Variants in SPATA22 observed in about 807,000 individuals in gnomAD.
SPATA22 encodes the protein spermatogenesis-associated protein 22.
In SPATA22, 29 loss-of-function variants were observed where a neutral mutation model predicts 47.8. The observed-to-expected ratio is 0.61, with a 90% confidence interval of 0.45 to 0.83. The LOEUF (loss-of-function observed/expected upper bound fraction) is 0.83, where lower values mean the gene tolerates loss of function less well. SPATA22 is among the 40% of genes least tolerant of loss of function. SPATA22 has a pLI of 0.00. For missense variants in SPATA22, 410 were observed against 421.7 expected (o/e 0.97, Z 0.24); for synonymous variants, 133 against 140.9 (o/e 0.94, Z 0.40).
rs1190224274 is a variant in SPATA22, at chr17:3,465,140, G to T, written c.172+2286C>A. ...AGCGTCTCCGCCCGGCAGCCACCCC[G>T]TCCGGGAGGGAGGTGGGGGGGTCAG... On this transcript the variant is annotated intron_variant, in intron 3 of 8. Transcript: ENST00000572969. 4.3e-5 allele frequency among the ~76,000 whole-genome samples: 5 copies of T among 116,424 alleles called. 1 individual carries two copies. Among genetic ancestry groups the T allele is most frequent in the African/African-American group, 1.3e-4 (4 of 30,918 alleles). 76.4% of individuals were successfully genotyped at this position (116,424 alleles called of 152,430 possible).
intron 7 of SPATA22, among the ~76,000 whole-genome samples, chr17:3,446,176 C>G (rs2072721814): frequency 6.6e-6 from 1 of 152,088 alleles, no homozygotes; most frequent in Admixed American, 6.6e-5. Flanking sequence ...ATTTCAAGAT[C>G]CCTAACTTAA....
At chr17:3,476,124 T>A, upstream of SPATA22, 1 of 1,581,798 alleles carries the variant, frequency 6.3e-7, no homozygotes, top group Non-Finnish European at 8.7e-7. Context: ...ATCTCTCTTC[T>A]GAATTGCAGA....
chr17:3,446,726 AT>A, intron 6 of SPATA22, 125 bp from the exon 7 acceptor site: 1 of 757,278 alleles, frequency 1.3e-6, no homozygotes, highest in Non-Finnish European at 2.0e-6. Flanking sequence ...ACTACTGAAA[AT>A]TTTAGTATAG....
chr17:3,505,115 G>A (rs548762659), intron 1 of SPATA22, among the ~76,000 whole-genome samples: 28 of 149,080 alleles, frequency 1.9e-4, no homozygotes, highest in African/African-American at 6.2e-4. Context: ...TTACTGAAAC[G>A]CTTCCCCATC....
At chr17:3,444,881 A>G (rs1278619485) in intron 7 of SPATA22, among the ~76,000 whole-genome samples, 7 of 152,062 alleles carry the variant, frequency 4.6e-5, no homozygotes, top group Non-Finnish European at 5.9e-5. Flanking sequence ...CTAGGAACTC[A>G]GGATTATTAT....
chr17:3,469,635 C>A (rs939464246), intron 1 of SPATA22, among the ~76,000 whole-genome samples: 1 of 152,174 alleles, frequency 6.6e-6, no homozygotes. Context: ...CATTTTTTCA[C>A]ACAGTATATG....
At chr17:3,466,451 T>G (rs369156798) in intron 3 of SPATA22, among the ~76,000 whole-genome samples, 2 of 152,174 alleles carry the variant, frequency 1.3e-5, no homozygotes, top group African/African-American at 2.4e-5. Flanking sequence ...AGGATTTCAG[T>G]GGCCTTACTT....
intron 1 of SPATA22, among the ~76,000 whole-genome samples, chr17:3,484,477 C>T (rs2073685700): frequency 6.6e-6 from 1 of 151,984 alleles, no homozygotes; most frequent in African/African-American, 2.4e-5. Flanking sequence ...ACAGAAGGCC[C>T]AAAGAAGTGG....
In SPATA22 at chr17:3,470,904, C is replaced by T. The variant is rs1030521821; in HGVS notation, c.-74+778G>A. On this transcript the variant is annotated intron_variant, in intron 1 of 8. Coordinates refer to ENST00000572969, the MANE Select transcript of SPATA22 (RefSeq NM_001170698.2). The stretch of plus-strand genomic sequence containing the variant: ...GTGCAGTGGCTCATGCCTGTGATCC[C>T]AGCACTTCGGGAGGCCAAGGCAAGT... Among the ~76,000 whole-genome samples the T allele has an allele frequency of 5.9e-5, 9 of 152,144 alleles. 1 individual carries two copies. The highest frequency in any genetic ancestry group is 2.2e-4 in the African/African-American group (9 of 41,442).
chr17:3,493,825 G>A (rs1242594068), intron 1 of SPATA22, among the ~76,000 whole-genome samples: 5 of 152,046 alleles, frequency 3.3e-5, no homozygotes, highest in Non-Finnish European at 7.4e-5. Context: ...TCTCAAACTG[G>A]CTTTTTCAGT....
At chr17:3,440,856 A>C (rs983616721) in intron 8 of SPATA22, 2 of 152,116 alleles carry the variant, frequency 1.3e-5, no homozygotes, top group Non-Finnish European at 2.9e-5. Context: ...TCTCCCTGAG[A>C]TGTCTGCAAA....
upstream of SPATA22, chr17:3,476,472 T>G (rs1222632813): frequency 7.7e-7 from 1 of 1,303,124 alleles, no homozygotes; most frequent in African/African-American, 1.5e-5. Context: ...AACACATATA[T>G]GTATATGCAG....
At chr17:3,452,656 A>G (rs1313101596) in intron 5 of SPATA22, among the ~76,000 whole-genome samples, 2 of 152,092 alleles carry the variant, frequency 1.3e-5, no homozygotes, top group African/African-American at 4.8e-5. Context: ...AGCCCCTTAC[A>G]TAGACTAAAA....
intron 1 of SPATA22, among the ~76,000 whole-genome samples, chr17:3,508,871 A>C: frequency 6.9e-6 from 1 of 144,748 alleles, no homozygotes. Context: ...TGCACATCGT[A>C]CACATGTACC....
chr17:3,448,761 TTTTTAAAAA>T, intron 6 of SPATA22, 37 bp downstream of exon 6: 1 of 1,409,612 alleles, frequency 7.1e-7, no homozygotes, highest in Non-Finnish European at 9.6e-7. Flanking sequence ...TTACCTCATA[TTTTTAAAAA>T]TGTAAATAAG....
At chr17:3,484,542 T>A (rs2073687122) in intron 1 of SPATA22, among the ~76,000 whole-genome samples, 1 of 152,054 alleles carries the variant, frequency 6.6e-6, no homozygotes. Flanking sequence ...AGGAAAAAAA[T>A]TGAGAGCAGT....
rs1434582541 is a variant in SPATA22 at position 3,446,431 on chromosome 17, C to T, written c.802+41G>A. On this transcript the variant is annotated intron_variant, in intron 7 of 8. Coordinates refer to ENST00000572969, the MANE Select transcript of SPATA22 (RefSeq NM_001170698.2). ...TAATCAGACATTAAAACCTGTCCTC[C>T]AGAGAGTATTACTGAAGTATTTTTA... The T allele has an allele frequency of 4.5e-6, 7 of 1,567,784 alleles. No individual in the cohort carries two copies. In the Admixed American group the frequency reaches 1.4e-4, roughly 32 times the overall value.
intron 1 of SPATA22, among the ~76,000 whole-genome samples, chr17:3,507,182 G>T (rs1403656338): frequency 6.6e-6 from 1 of 152,114 alleles, no homozygotes; most frequent in African/African-American, 2.4e-5. Context: ...GGAAATGGTG[G>T]GGTCACAGGT....
chr17:3,482,894 C>T (rs1417066626), intron 1 of SPATA22, among the ~76,000 whole-genome samples: 2 of 149,808 alleles, frequency 1.3e-5, no homozygotes, highest in Non-Finnish European at 3.0e-5. Flanking sequence ...CACCCATTAA[C>T]TCGTCATTTA....
Sources: allele counts gnomAD v4.1 joint callset (sites outside exome capture counted in the v4.1 genomes callset), GRCh38; gene constraint gnomAD v4.1.1; transcripts MANE v1.5; gene names NCBI Gene and HGNC (gene_info 2026-07-23, HGNC 2026-07-21).